ADGB: variants seen among roughly 807,000 people sequenced by gnomAD.
ADGB encodes the protein calpain-7-like protein.
Under a neutral mutation model 210.5 loss-of-function variants are expected in ADGB, and 172 were observed. The observed-to-expected ratio is 0.82, with a 90% CI of 0.72 to 0.93. The LOEUF (loss-of-function observed/expected upper bound fraction) is 0.93. Ranked by LOEUF, ADGB falls within the 40% of genes least tolerant of loss-of-function variation. ADGB has a pLI of 0.00. For synonymous variants in ADGB, 658 were observed against 662.7 expected (o/e 0.99, Z 0.11); for missense variants, 2,025 against 1,964.8 (o/e 1.03, Z -0.58).
At chr6:146,693,211 T>G (rs1428424122) in intron 12 of ADGB, among the ~76,000 whole-genome samples, 1 of 152,168 alleles carries the variant, frequency 6.6e-6, no homozygotes, top group Non-Finnish European at 1.5e-5. Flanking sequence ...GTGGCTGCAT[T>G]TGGAGGTAAA....
intron 1 of ADGB, among the ~76,000 whole-genome samples, chr6:146,623,945 A>G (rs1780936626): frequency 6.6e-6 from 1 of 151,914 alleles, no homozygotes; most frequent in South Asian, 2.1e-4. Context: ...GTATTTTAAT[A>G]CACATATTGT....
intron 29 of ADGB, among the ~76,000 whole-genome samples, chr6:146,775,145 T>G (rs904847607): frequency 4.4e-4 from 67 of 152,158 alleles, no homozygotes; most frequent in Non-Finnish European, 7.2e-4. Flanking sequence ...TTGTTTTTTA[T>G]TAGTACACTG....
intron 27 of ADGB, among the ~76,000 whole-genome samples, chr6:146,756,512 G>A (rs1224872507): frequency 6.6e-6 from 1 of 151,942 alleles, no homozygotes; most frequent in Non-Finnish European, 1.5e-5. Flanking sequence ...TTTATAGAAT[G>A]TAAAATATTA....
intron 1 of ADGB, among the ~76,000 whole-genome samples, chr6:146,631,970 A>AC (rs1781072640): frequency 6.6e-6 from 1 of 151,772 alleles, no homozygotes; most frequent in African/African-American, 2.4e-5. Flanking sequence ...CATTAAAAAA[A>AC]AAAAAAAACA....
rs751878263 is a variant in ADGB, at chr6:146,691,109, C to A, written c.1312-7C>A. ...GAATGCTTTTCAATTTACTTTCCAT[C>A]TTCTAGGCAGATTCTGCTGAGAAAC... On this transcript the variant is annotated splice_region_variant and splice_polypyrimidine_tract_variant and intron_variant, in intron 10 of 35. Transcript: ENST00000397944. 2 of 1,515,096 alleles carry A rather than the reference C, an allele frequency of 1.3e-6. No homozygotes were observed. Among genetic ancestry groups the A allele is most frequent in the Non-Finnish European group, 1.8e-6 (2 of 1,132,288 alleles). 93.9% of individuals were successfully genotyped at this position (1,515,096 alleles called of 1,614,324 possible).
chr6:146,629,062 A>G (rs748029401), intron 1 of ADGB, among the ~76,000 whole-genome samples: 4 of 152,238 alleles, frequency 2.6e-5, no homozygotes, highest in Non-Finnish European at 5.9e-5. Context: ...GTATTAAAAC[A>G]TTCAAAAGTA....
intron 1 of ADGB, among the ~76,000 whole-genome samples, chr6:146,616,348 G>A (rs186944814): frequency 2.0e-4 from 30 of 151,100 alleles, no homozygotes; most frequent in Non-Finnish European, 3.7e-4. Flanking sequence ...GATGGTTTGT[G>A]AATATTTTTG....
chr6:146,673,970 A>T (rs916814648), intron 8 of ADGB, among the ~76,000 whole-genome samples: 10 of 152,190 alleles, frequency 6.6e-5, no homozygotes, highest in African/African-American at 2.4e-4. Flanking sequence ...AGAGGTTGGT[A>T]CAAAATGACG....
At chr6:146,636,194 T>G (rs1174047824) in intron 2 of ADGB, among the ~76,000 whole-genome samples, 1 of 152,062 alleles carries the variant, frequency 6.6e-6, no homozygotes, top group African/African-American at 2.4e-5. Flanking sequence ...TATGACCTAT[T>G]TATTGGGTGC....
chr6:146,704,500 A>G (rs930591495), intron 13 of ADGB, among the ~76,000 whole-genome samples: 4 of 152,014 alleles, frequency 2.6e-5, no homozygotes, highest in African/African-American at 4.8e-5. Flanking sequence ...TGTATATGGT[A>G]TGAGGTGACA....
chr6:146,656,920 G>A lies in ADGB; in HGVS notation c.552G>A (p.Val184=), dbSNP rs1775790079. 6.4e-7 allele frequency: 1 copy of A among 1,551,628 alleles called. No homozygotes were observed. Among genetic ancestry groups the A allele is most frequent in the Non-Finnish European group, 8.7e-7 (1 of 1,146,904 alleles). The stretch of plus-strand genomic sequence containing the variant: ...ACATATACTCTCTGTGCAAGGCTGT[G>A]AAGGGTCATATGCCTTTGTTCAATA... ...WEHIYSLCKA[V]KGHMPLFNSY... is the part of the protein sequence containing the mutation. Residue 184 remains valine, a synonymous_variant, in exon 5 of 36, where the codon GTG becomes GTA. Coordinates refer to ENST00000397944, the MANE Select transcript of ADGB (RefSeq NM_024694.4).
intron 35 of ADGB, chr6:146,802,942 T>C (rs2114666994): frequency 6.2e-7 from 1 of 1,610,400 alleles, no homozygotes; most frequent in Non-Finnish European, 8.5e-7. Context: ...AAATTTGTTT[T>C]GGATGATAGT....
intron 12 of ADGB, among the ~76,000 whole-genome samples, chr6:146,697,028 A>G (rs1776413758): frequency 6.6e-6 from 1 of 152,174 alleles, no homozygotes; most frequent in Non-Finnish European, 1.5e-5. Flanking sequence ...TGTCATAGAA[A>G]TGTGGAAAAC....
At chr6:146,755,498 C>T (rs1261247974) in intron 27 of ADGB, among the ~76,000 whole-genome samples, 6 of 152,090 alleles carry the variant, frequency 3.9e-5, no homozygotes, top group Admixed American at 3.9e-4. Context: ...CTGCACTTCT[C>T]TCTCCTGTCA....
At chr6:146,809,641 C>CT (rs1159267000) in intron 35 of ADGB, among the ~76,000 whole-genome samples, 81 of 152,116 alleles carry the variant, frequency 5.3e-4, no homozygotes, top group African/African-American at 1.8e-3. Flanking sequence ...CCACCACATC[C>CT]AGCTTAAAAA....
chr6:146,724,948 A>G (rs946381257), intron 18 of ADGB: 6 of 152,226 alleles, frequency 3.9e-5, no homozygotes, highest in Admixed American at 6.5e-5. Flanking sequence ...TAGGCTTTGA[A>G]ATAAACATTT....
In ADGB at chr6:146,672,344, A is replaced by G; in HGVS notation, c.964A>G (p.Lys322Glu). 6.4e-7 allele frequency: 1 copy of G among 1,551,476 alleles called. No individual in the cohort carries two copies. Among genetic ancestry groups the G allele is most frequent in the Non-Finnish European group, 8.7e-7 (1 of 1,146,836 alleles). The stretch of plus-strand genomic sequence containing the variant: ...AGATTCTAAATTAAAAGAACCAGGG[A>G]AAGAAGGGAAGGAGGGAAAAGAAAT... Reference protein sequence around the residue: ...VLDSKLKEPGKEGKEGKEIKD... With the variant: ...VLDSKLKEPGEEGKEGKEIKD... Residue 322 changes from lysine to glutamate, a missense_variant, in exon 8 of 36, where the codon AAA (lysine) becomes GAA (glutamate). Lys to Glu is a moderately conservative substitution (Grantham distance 56, BLOSUM62 1). Transcript: ENST00000397944.
intron 17 of ADGB, among the ~76,000 whole-genome samples, chr6:146,722,211 G>C (rs1290045546): frequency 1.3e-5 from 2 of 151,932 alleles, no homozygotes; most frequent in Non-Finnish European, 2.9e-5. Context: ...TAGACTTTAA[G>C]TTTACCAATT....
At chr6:146,789,181 C>CA (rs1164884840) in intron 33 of ADGB, among the ~76,000 whole-genome samples, 1 of 152,160 alleles carries the variant, frequency 6.6e-6, no homozygotes, top group Non-Finnish European at 1.5e-5. Flanking sequence ...TCAACTCCTT[C>CA]TGTCTTAAAG....
Sources: allele counts gnomAD v4.1 joint callset (sites outside exome capture counted in the v4.1 genomes callset), GRCh38; gene constraint gnomAD v4.1.1; transcripts MANE v1.5; gene names NCBI Gene and HGNC (gene_info 2026-07-23, HGNC 2026-07-21).